The following TNFAIP6 variants were observed in gnomAD, a reference collection of about 807,000 sequenced individuals.
TNFAIP6 encodes TNF alpha induced protein 6.
TNFAIP6 carries 36 observed loss-of-function variants against 33.7 expected under a neutral mutation model. The ratio of observed to expected loss-of-function variants is 1.07; its 90% CI spans 0.82 to 1.41. TNFAIP6 has a LOEUF of 1.41. Among genes scored for constraint, TNFAIP6 ranks in the 40% most tolerant of loss-of-function variants. TNFAIP6 has a pLI of 0.00. For synonymous variants in TNFAIP6, 113 were observed against 112.8 expected, an observed-to-expected ratio of 1.00 and a Z score of -0.01; for missense variants, 273 against 331.9, an observed-to-expected ratio of 0.82 and a Z score of 1.38.
rs138376471 is a variant in TNFAIP6 at position 151,364,041 on chromosome 2, C to G, written c.193C>G (p.Leu65Val). Residue 65 changes from leucine to valine, a missense_variant, in exon 2 of 6, where the codon CTC (leucine) becomes GTC (valine). By Grantham distance (32) the Leu-to-Val change is conservative (BLOSUM62 1). Transcript: ENST00000243347. ...KAVCEFEGGH[L>V]ATYKQLEAAR... ...GGTGTGTGAATTTGAAGGCGGCCATCTCGCAACTTACAAGCAGCTAGAGGC... is the reference window on the plus strand; with the variant it reads ...GGTGTGTGAATTTGAAGGCGGCCATGTCGCAACTTACAAGCAGCTAGAGGC... 10 of 1,613,974 alleles carry G rather than the reference C, an allele frequency of 6.2e-6. No individual in the cohort carries two copies. In the African/African-American group the frequency reaches 1.3e-4, roughly 22 times the overall value.
At chr2:151,369,124 A>T (rs1684767632) in intron 3 of TNFAIP6, among the ~76,000 whole-genome samples, 1 of 152,174 alleles carries the variant, frequency 6.6e-6, no homozygotes, top group Non-Finnish European at 1.5e-5. Context: ...ACAATTGCAG[A>T]GGCTACAGTG....
intron 5 of TNFAIP6, among the ~76,000 whole-genome samples, 198 bp from the exon 6 acceptor site, chr2:151,379,166 A>G (rs1426656072): frequency 6.6e-6 from 1 of 152,188 alleles, no homozygotes; most frequent in Admixed American, 6.5e-5. Flanking sequence ...GGACCAAAGG[A>G]AAAAATACAA....
chr2:151,357,737 T>C lies in TNFAIP6; in HGVS notation c.71T>C (p.Ile24Thr), dbSNP rs1471980059. The C allele has an allele frequency of 6.2e-7, 1 of 1,610,698 alleles. No homozygotes were observed. Among genetic ancestry groups the C allele is most frequent in the South Asian group, 1.1e-5 (1 of 91,008 alleles). ...DTQGWGFKDG[I>T]FHNSIWLERA... Reference sequence around the variant, plus strand: ...CAAGGATGGGGATTCAAGGATGGAATTTTTCATAACTCCATATGGCTTGGT... The same window carrying C: ...CAAGGATGGGGATTCAAGGATGGAACTTTTCATAACTCCATATGGCTTGGT... The change falls in exon 1 of 6, where the codon ATT (isoleucine) becomes ACT (threonine). Residue 24 changes from isoleucine to threonine, a missense_variant. Physicochemically the swap from Ile to Thr is moderately conservative, Grantham distance 89. Transcript: ENST00000243347.
intron 5 of TNFAIP6, among the ~76,000 whole-genome samples, chr2:151,378,577 C>T (rs1357223947): frequency 1.3e-5 from 2 of 151,812 alleles, no homozygotes; most frequent in African/African-American, 2.4e-5. Flanking sequence ...CAACCTCCGC[C>T]TCCCGGGTTC....
chr2:151,366,095 G>A lies in TNFAIP6; in HGVS notation c.272G>A (p.Arg91Lys), dbSNP rs1684704385. The A allele has an allele frequency of 6.2e-7, 1 of 1,614,168 alleles. No homozygotes were observed. Residue 91 changes from arginine to lysine, a missense_variant, in exon 3 of 6, where the codon AGA becomes AAA. By Grantham distance (26) the Arg-to-Lys change is conservative. Transcript: ENST00000243347. ...GCTGCTGGATGGATGGCTAAGGGCA[G>A]AGTTGGATACCCCATTGTGAAGCCA... is the stretch of plus-strand genomic sequence containing the variant. ...VCAAGWMAKG[R>K]VGYPIVKPGP...
rs193051719 is a variant in TNFAIP6, at chr2:151,363,450, G to A, written c.95-493G>A. Among the ~76,000 whole-genome samples the A allele has an allele frequency of 7.8e-3, 1,185 of 151,326 alleles. 16 individuals are homozygous for A. Among genetic ancestry groups the A allele is most frequent in the African/African-American group, 0.027 (1,095 of 41,226 alleles). ...AGGCGGGTGGATCACGAGGTCAGGA[G>A]ATCAAGACCATCCTGGCTAACACGG... On this transcript the variant is annotated intron_variant, in intron 1 of 5. Coordinates refer to ENST00000243347, the MANE Select transcript of TNFAIP6 (RefSeq NM_007115.4).
intron 3 of TNFAIP6, among the ~76,000 whole-genome samples, chr2:151,369,780 A>G (rs1427637031): frequency 6.6e-6 from 1 of 152,198 alleles, no homozygotes; most frequent in East Asian, 1.9e-4. Context: ...GTCTCAAAAT[A>G]TAAAAATAAA....
chr2:151,357,704 A>G lies in TNFAIP6; in HGVS notation c.38A>G (p.Glu13Gly), dbSNP rs1482130755. Residue 13 changes from glutamate (E) to glycine (G), a missense_variant, in exon 1 of 6, where the codon GAA becomes GGA. By Grantham distance (98) the Glu-to-Gly change is moderately conservative. Coordinates refer to ENST00000243347, the MANE Select transcript of TNFAIP6 (RefSeq NM_007115.4). ...ATTTACTTATTTCTCTTGCTATGGGAAGACACTCAAGGATGGGGATTCAAG... is the reference window on the plus strand; with the variant it reads ...ATTTACTTATTTCTCTTGCTATGGGGAGACACTCAAGGATGGGGATTCAAG... ...ILIYLFLLLW[E>G]DTQGWGFKDG... 1 of 1,612,928 alleles carries G rather than the reference A, an allele frequency of 6.2e-7. No homozygotes were observed. Among genetic ancestry groups the G allele is most frequent in the Admixed American group, 1.7e-5 (1 of 60,020 alleles).
intron 5 of TNFAIP6, among the ~76,000 whole-genome samples, chr2:151,376,865 C>CTTTTTTTTTT (rs71403162): frequency 0.022 from 2,475 of 113,974 alleles, 2 homozygotes; most frequent in Middle Eastern, 0.029. Context: ...TTTTTCTTTT[C>CTTTTTTTTTT]TTTTTTTTTT....
intron 5 of TNFAIP6, among the ~76,000 whole-genome samples, chr2:151,374,433 T>C (rs1016053755): frequency 1.3e-5 from 2 of 152,232 alleles, no homozygotes; most frequent in South Asian, 4.1e-4. Context: ...CTGGCATTTT[T>C]AAGTGCTCTA....
At chr2:151,366,296 C>A (rs1191348377) in intron 3 of TNFAIP6, 79 bp downstream of exon 3, 1 of 1,300,614 alleles carries the variant, frequency 7.7e-7, no homozygotes, top group Non-Finnish European at 1.1e-6. Flanking sequence ...GAAATGGCTA[C>A]TTTTTCCAGA....
chr2:151,364,970 T>C (rs993455168), intron 2 of TNFAIP6, among the ~76,000 whole-genome samples: 1 of 152,098 alleles, frequency 6.6e-6, no homozygotes, highest in Non-Finnish European at 1.5e-5. Flanking sequence ...TGACAGATAC[T>C]AAAACAGCCT....
intron 4 of TNFAIP6, chr2:151,372,080 G>T (rs1486519943): frequency 1.3e-5 from 2 of 152,400 alleles, no homozygotes; most frequent in East Asian, 3.9e-4. Context: ...CTGGGCTACA[G>T]TGCGCTATGC....
chr2:151,379,057 G>A (rs1032392429), intron 5 of TNFAIP6, among the ~76,000 whole-genome samples: 6 of 152,068 alleles, frequency 3.9e-5, no homozygotes, highest in Non-Finnish European at 8.8e-5. Flanking sequence ...CCGAGATCGC[G>A]CCACAGCACT....
intron 5 of TNFAIP6, among the ~76,000 whole-genome samples, chr2:151,376,865 C>CTTTTTCTTTTT (rs1684916537): frequency 2.5e-4 from 28 of 114,144 alleles, no homozygotes; most frequent in Non-Finnish European, 4.2e-4. Context: ...TTTTTCTTTT[C>CTTTTTCTTTTT]TTTTTTTTTT....
At chr2:151,364,950 T>A (rs1684685663) in intron 2 of TNFAIP6, among the ~76,000 whole-genome samples, 1 of 152,162 alleles carries the variant, frequency 6.6e-6, no homozygotes, top group Non-Finnish European at 1.5e-5. Context: ...AAAATTGCTC[T>A]TGGTGGCATT....
At chr2:151,375,773 A>G (rs1484191613) in intron 5 of TNFAIP6, among the ~76,000 whole-genome samples, 4 of 152,164 alleles carry the variant, frequency 2.6e-5, no homozygotes, top group Non-Finnish European at 2.9e-5. Context: ...CTTTTTAAAT[A>G]TACGCTTACT....
At chr2:151,360,662 A>C (rs1350103857) in intron 1 of TNFAIP6, among the ~76,000 whole-genome samples, 1 of 152,242 alleles carries the variant, frequency 6.6e-6, no homozygotes, top group Non-Finnish European at 1.5e-5. Flanking sequence ...TGTCAGGTAC[A>C]TACTCCAAGA....
At chr2:151,369,904 TA>T in intron 3 of TNFAIP6, 115 bp from the exon 4 acceptor site, 2 of 747,242 alleles carry the variant, frequency 2.7e-6, no homozygotes, top group Non-Finnish European at 4.4e-6. Flanking sequence ...TGCTGTATAC[TA>T]AGACATTTAA....
Sources: allele counts gnomAD v4.1 joint callset (sites outside exome capture counted in the v4.1 genomes callset), GRCh38; gene constraint gnomAD v4.1.1; transcripts MANE v1.5; gene names NCBI Gene and HGNC (gene_info 2026-07-23, HGNC 2026-07-21).